The following NCAM2 variants were observed in gnomAD, a reference collection of about 807,000 sequenced individuals.
The protein encoded by NCAM2 is neural cell adhesion molecule 2, also known as N-CAM-2.
Under a neutral mutation model 98.1 loss-of-function variants are expected in NCAM2, and 30 were observed. The ratio of observed to expected loss-of-function variants is 0.31; its 90% CI spans 0.23 to 0.41. The LOEUF is 0.41. Ranked by LOEUF, NCAM2 falls within the 10% of genes least tolerant of loss-of-function variation. The pLI, the probability that NCAM2 is intolerant of heterozygous loss-of-function variation, is 1.00. For synonymous variants in NCAM2, 368 were observed against 342.4 expected (o/e 1.07, Z -0.83); for missense variants, 867 against 1,005.8 (o/e 0.86, Z 1.87).
At chr21:21,489,030 G>T (rs769656093) in intron 15 of NCAM2, among the ~76,000 whole-genome samples, 1 of 150,630 alleles carries the variant, frequency 6.6e-6, no homozygotes, top group Non-Finnish European at 1.5e-5. Flanking sequence ...TTGCTCTGTC[G>T]CCCAAGCTGG....
chr21:21,200,921 A>G lies in NCAM2; in HGVS notation c.56-79657A>G, dbSNP rs151233741. On this transcript the variant is annotated intron_variant, in intron 1 of 17. Coordinates refer to ENST00000400546, the MANE Select transcript of NCAM2 (RefSeq NM_004540.5). ...CCACAGATTCTCGGGTGTAGTGATA[A>G]TATGTGTATAGATCTTCTCCAACAT... is the stretch of plus-strand genomic sequence containing the variant. 4.6e-5 allele frequency among the ~76,000 whole-genome samples: 7 copies of G among 152,144 alleles called. No homozygotes were observed. The East Asian group carries it at 1.4e-3, about 29-fold the overall frequency.
chr21:21,497,246 A>T (rs1490885716), intron 15 of NCAM2, among the ~76,000 whole-genome samples: 6 of 152,068 alleles, frequency 3.9e-5, no homozygotes, highest in Non-Finnish European at 7.4e-5. Context: ...CCAATCAATC[A>T]AGCTGTGTGC....
chr21:21,237,080 A>G (rs761987346), intron 1 of NCAM2, among the ~76,000 whole-genome samples: 3 of 152,088 alleles, frequency 2.0e-5, no homozygotes, highest in African/African-American at 4.8e-5. Flanking sequence ...CAGATCATTA[A>G]TTACTGATTG....
chr21:21,063,317 C>T (rs981820961), intron 1 of NCAM2, among the ~76,000 whole-genome samples: 2 of 134,526 alleles, frequency 1.5e-5, no homozygotes, highest in Admixed American at 8.6e-5. Context: ...CTCCTGGGTT[C>T]AAGTGATTCT....
At chr21:21,110,177 A>G (rs1365103387) in intron 1 of NCAM2, among the ~76,000 whole-genome samples, 2 of 152,206 alleles carry the variant, frequency 1.3e-5, no homozygotes, top group South Asian at 4.1e-4. Context: ...TGACAGAAAA[A>G]AATACGTTCT....
intron 1 of NCAM2, among the ~76,000 whole-genome samples, chr21:21,114,067 T>C (rs2736440): frequency 0.98 from 149,952 of 152,256 alleles, 73,862 homozygotes; most frequent in East Asian, 1. Context: ...AGTGTGTGAA[T>C]GTATATGTTC....
chr21:21,533,830 GA>G (rs1989842495), intron 16 of NCAM2, among the ~76,000 whole-genome samples: 1 of 151,680 alleles, frequency 6.6e-6, no homozygotes, highest in Admixed American at 6.6e-5. Context: ...CATCAATTGT[GA>G]AAAATTACAT....
chr21:21,249,649 G>A (rs959760538), intron 1 of NCAM2, among the ~76,000 whole-genome samples: 2 of 151,598 alleles, frequency 1.3e-5, no homozygotes, highest in African/African-American at 4.9e-5. Flanking sequence ...ACTTTCTTTA[G>A]CAGACAATCA....
At chr21:21,080,088 C>G (rs1221709514) in intron 1 of NCAM2, among the ~76,000 whole-genome samples, 1 of 151,888 alleles carries the variant, frequency 6.6e-6, no homozygotes, top group Non-Finnish European at 1.5e-5. Context: ...ATGAGCTTCC[C>G]AAACAAAACA....
At chr21:21,231,851 A>T (rs2070639885) in intron 1 of NCAM2, among the ~76,000 whole-genome samples, 1 of 151,594 alleles carries the variant, frequency 6.6e-6, no homozygotes, top group African/African-American at 2.4e-5. Context: ...ATATTTGTGT[A>T]TATAATTACC....
At chr21:21,263,066 TC>T (rs1304394049) in intron 1 of NCAM2, among the ~76,000 whole-genome samples, 3 of 152,052 alleles carry the variant, frequency 2.0e-5, no homozygotes, top group African/African-American at 7.2e-5. Flanking sequence ...TATCAAATTA[TC>T]CCTCTTCTCT....
At chr21:21,122,104 G>T (rs1484644300) in intron 1 of NCAM2, among the ~76,000 whole-genome samples, 2 of 152,170 alleles carry the variant, frequency 1.3e-5, no homozygotes, top group African/African-American at 4.8e-5. Flanking sequence ...TAAAAACTAT[G>T]AAGTTAGATA....
chr21:21,466,836 G>A, intron 13 of NCAM2, 111 bp downstream of exon 13: 1 of 1,132,444 alleles, frequency 8.8e-7, no homozygotes, highest in Non-Finnish European at 1.2e-6. Context: ...CATGAATTAT[G>A]TCTTTGGTGA....
intron 1 of NCAM2, among the ~76,000 whole-genome samples, chr21:21,086,572 T>A (rs998109228): frequency 6.6e-6 from 1 of 152,004 alleles, no homozygotes; most frequent in African/African-American, 2.4e-5. Context: ...ACATAGAGAG[T>A]TGACTTTAGG....
chr21:21,223,124 C>T (rs2070238765), intron 1 of NCAM2, among the ~76,000 whole-genome samples: 1 of 152,138 alleles, frequency 6.6e-6, no homozygotes, highest in East Asian at 1.9e-4. Context: ...AGTCATTTAG[C>T]ACTCTTAGTC....
chr21:21,540,341 G>A lies in NCAM2; in HGVS notation c.*2384G>A, dbSNP rs1990184187. On this transcript the variant is annotated 3_prime_UTR_variant, in exon 18 of 18. Coordinates refer to ENST00000400546, the MANE Select transcript of NCAM2 (RefSeq NM_004540.5). ...TTTCCTGCCACTCATGTGGAGTAAT[G>A]ATCTGAAATTAACAGATAATCTGAA... is the stretch of plus-strand genomic sequence containing the variant. The A allele has an allele frequency of 6.6e-6, 1 of 150,824 alleles. No individual in the cohort carries two copies. Among genetic ancestry groups the A allele is most frequent in the Non-Finnish European group, 1.5e-5 (1 of 67,770 alleles). The allele number at this position is 150,824 out of a possible 1,614,324, so 9.3% of individuals were successfully genotyped here.
intron 16 of NCAM2, among the ~76,000 whole-genome samples, chr21:21,517,974 A>G (rs887613049): frequency 1.3e-5 from 2 of 152,188 alleles, no homozygotes; most frequent in African/African-American, 4.8e-5. Flanking sequence ...ATCCCAGTAC[A>G]CTTGGAGAAG....
intron 9 of NCAM2, among the ~76,000 whole-genome samples, chr21:21,383,404 C>A (rs2148105041): frequency 6.6e-6 from 1 of 152,254 alleles, no homozygotes; most frequent in African/African-American, 2.4e-5. Flanking sequence ...ATTATGTATG[C>A]TTTTTTCCAA....
chr21:21,484,577 A>C (rs1986183692), intron 15 of NCAM2, among the ~76,000 whole-genome samples: 1 of 152,136 alleles, frequency 6.6e-6, no homozygotes, highest in African/African-American at 2.4e-5. Flanking sequence ...TTGTTATATC[A>C]TATGGTATAT....
Sources: allele counts gnomAD v4.1 joint callset (sites outside exome capture counted in the v4.1 genomes callset), GRCh38; gene constraint gnomAD v4.1.1; transcripts MANE v1.5; gene names NCBI Gene and HGNC (gene_info 2026-07-23, HGNC 2026-07-21).